The following NXN variants were observed in gnomAD, a reference collection of about 807,000 sequenced individuals.
NXN encodes the protein nucleoredoxin 1.
NXN carries 16 observed loss-of-function variants against 48.6 expected under a neutral mutation model. The observed-to-expected ratio is 0.33, with a 90% CI of 0.22 to 0.50. The LOEUF (loss-of-function observed/expected upper bound fraction) is 0.50, where lower values mean the gene tolerates loss of function less well. Among genes scored for constraint, NXN ranks in the 20% least tolerant of loss-of-function variants. The pLI, the probability that NXN is intolerant of heterozygous loss-of-function variation, is 0.98. For missense variants in NXN, 492 were observed against 605.5 expected, an observed-to-expected ratio of 0.81 and a Z score of 1.97; for synonymous variants, 281 against 269.6, an observed-to-expected ratio of 1.04 and a Z score of -0.41.
intron 7 of NXN, among the ~76,000 whole-genome samples, chr17:801,942 C>T (rs555697187): frequency 3.9e-5 from 6 of 152,302 alleles, no homozygotes; most frequent in South Asian, 4.1e-4. Flanking sequence ...CAGAAGACAG[C>T]GCTGCTTAAG....
intron 1 of NXN, among the ~76,000 whole-genome samples, chr17:891,631 G>A (rs1484960204): frequency 6.6e-6 from 1 of 152,184 alleles, no homozygotes; most frequent in African/African-American, 2.4e-5. Flanking sequence ...CAAGACTTGT[G>A]CTTTTAGTTC....
chr17:897,372 T>C (rs1240868571), intron 1 of NXN, among the ~76,000 whole-genome samples: 3 of 152,146 alleles, frequency 2.0e-5, no homozygotes, highest in African/African-American at 7.2e-5. Context: ...GACAATCAAT[T>C]AGCAAGATGG....
intron 1 of NXN, among the ~76,000 whole-genome samples, chr17:890,135 C>CA (rs1412281672): frequency 2.6e-5 from 4 of 151,920 alleles, no homozygotes; most frequent in Admixed American, 2.6e-4. Context: ...TCTGGACCTA[C>CA]TCGTTATGAA....
At chr17:832,268 C>A (rs1235866714) in intron 1 of NXN, among the ~76,000 whole-genome samples, 1 of 151,978 alleles carries the variant, frequency 6.6e-6, no homozygotes, top group African/African-American at 2.4e-5. Flanking sequence ...AGCTCCGCCT[C>A]CCAGGTTCAC....
intron 1 of NXN, among the ~76,000 whole-genome samples, chr17:949,799 C>T (rs1305454194): frequency 6.6e-6 from 1 of 151,448 alleles, no homozygotes; most frequent in East Asian, 1.9e-4. Context: ...ACGTGAGGAC[C>T]TCTGAGACCC....
At chr17:818,748 T>C (rs1912633989) in intron 5 of NXN, among the ~76,000 whole-genome samples, 1 of 151,254 alleles carries the variant, frequency 6.6e-6, no homozygotes, top group Non-Finnish European at 1.5e-5. Context: ...TAGCCGGGCG[T>C]GTGGTGGGCG....
At chr17:805,029 C>T (rs1234463596) in intron 6 of NXN, 39 bp downstream of exon 6, 1 of 1,536,182 alleles carries the variant, frequency 6.5e-7, no homozygotes, top group Admixed American at 2.0e-5. Flanking sequence ...GTCCCGCCCC[C>T]CAGCCACCCC....
chr17:875,224 G>A (rs1208524167), intron 1 of NXN, among the ~76,000 whole-genome samples: 1 of 151,856 alleles, frequency 6.6e-6, no homozygotes, highest in Non-Finnish European at 1.5e-5. Flanking sequence ...CAGAGACAGG[G>A]TTTCACCATG....
At chr17:933,975 G>T (rs538699763) in intron 1 of NXN, among the ~76,000 whole-genome samples, 1 of 152,240 alleles carries the variant, frequency 6.6e-6, no homozygotes, top group African/African-American at 2.4e-5. Context: ...GGAAATGGGT[G>T]GCATGCCTCA....
chr17:824,336 C>T (rs907521626), intron 2 of NXN, among the ~76,000 whole-genome samples: 9 of 152,192 alleles, frequency 5.9e-5, no homozygotes, highest in East Asian at 1.9e-4. Flanking sequence ...CGTGAGCCAC[C>T]GCACCTGGCC....
At chr17:934,338 G>C (rs936888564) in intron 1 of NXN, among the ~76,000 whole-genome samples, 8 of 151,766 alleles carry the variant, frequency 5.3e-5, no homozygotes, top group African/African-American at 1.9e-4. Flanking sequence ...CCCAGCTACT[G>C]GGGAGGCTGA....
intron 1 of NXN, among the ~76,000 whole-genome samples, chr17:867,870 A>G (rs1273516290): frequency 3.3e-5 from 5 of 151,982 alleles, no homozygotes; most frequent in Non-Finnish European, 5.9e-5. Context: ...AGGCTGCAGT[A>G]AGCCGACAGA....
chr17:945,566 G>C (rs2069033426), intron 1 of NXN, among the ~76,000 whole-genome samples: 1 of 149,438 alleles, frequency 6.7e-6, no homozygotes, highest in Non-Finnish European at 1.5e-5. Context: ...GGGAGGCAGA[G>C]CTTGCCGTGA....
At chr17:904,068 AT>A (rs2068560698) in intron 1 of NXN, among the ~76,000 whole-genome samples, 6 of 152,130 alleles carry the variant, frequency 3.9e-5, no homozygotes, top group Admixed American at 3.9e-4. Flanking sequence ...TTTAACGTAA[AT>A]TTTTTTGGAG....
At chr17:888,747 G>A (rs925504731) in intron 1 of NXN, among the ~76,000 whole-genome samples, 2 of 151,800 alleles carry the variant, frequency 1.3e-5, no homozygotes, top group African/African-American at 4.8e-5. Context: ...CTGAGGTCAG[G>A]AGTTCGAGAC....
rs1462791219 is a variant in NXN, at chr17:958,148, T to A, written c.360+21171A>T. Among the ~76,000 whole-genome samples, 1 of 152,140 alleles carries A rather than the reference T, an allele frequency of 6.6e-6. No individual in the cohort carries two copies. On this transcript the variant is annotated intron_variant, in intron 1 of 7. Transcript: ENST00000336868. This position sits in a 1 kb window ranked among gnomAD's most constrained non-coding sequence, Gnocchi z 6.9. ...TATCTGGAATATCTCTCTGTCTTAA[T>A]CCACTGGACTACCCTCCCCCTCGTT...
In NXN at chr17:920,031, G is replaced by A. The variant is rs76362408; in HGVS notation, c.360+59288C>T. Reference sequence around the variant, plus strand: ...CGGCCTCCTCCATGTGAGGACCTCCGCCTCCAACTCTCTTCGAGCCACCAC... The same window carrying A: ...CGGCCTCCTCCATGTGAGGACCTCCACCTCCAACTCTCTTCGAGCCACCAC... On this transcript the variant is annotated intron_variant, in intron 1 of 7. Coordinates refer to ENST00000336868, the MANE Select transcript of NXN (RefSeq NM_022463.5). This position sits in a 1 kb window ranked among gnomAD's most constrained non-coding sequence, Gnocchi z 4.6. Among the ~76,000 whole-genome samples the A allele has an allele frequency of 1.2e-3, 188 of 152,112 alleles. 3 individuals are homozygous for A. In the East Asian group the frequency reaches 0.026, roughly 21 times the overall value.
In NXN at chr17:801,299, C is replaced by T. The variant is rs147790445; in HGVS notation, c.1126-168G>A. Among the ~76,000 whole-genome samples the T allele has an allele frequency of 3.1e-3, 476 of 152,250 alleles. 3 individuals are homozygous for T. Among genetic ancestry groups the T allele is most frequent in the African/African-American group, 0.011 (447 of 41,548 alleles). ...AAGGAGGGAACCCTGCCCTGCCTTC[C>T]GGAGGAAGGGGCTGCTTTGTAAAAT... On this transcript the variant is annotated intron_variant, in intron 7 of 7. Transcript: ENST00000336868.
intron 1 of NXN, among the ~76,000 whole-genome samples, chr17:836,591 A>G (rs1188487578): frequency 6.6e-6 from 1 of 152,142 alleles, no homozygotes; most frequent in African/African-American, 2.4e-5. Context: ...TACTCAGCAC[A>G]GGTTCCGGCT....
Sources: allele counts gnomAD v4.1 joint callset (sites outside exome capture counted in the v4.1 genomes callset), GRCh38; gene constraint gnomAD v4.1.1; non-coding constraint Gnocchi (gnomAD v3.1); transcripts MANE v1.5; gene names NCBI Gene and HGNC (gene_info 2026-07-23, HGNC 2026-07-21).